KCNQ1: variants seen among roughly 807,000 people sequenced by gnomAD.
KCNQ1 encodes potassium voltage-gated channel subfamily Q member 1, also known as potassium voltage-gated channel subfamily KQT member 1.
In KCNQ1, 49 loss-of-function variants were observed where a neutral mutation model predicts 72.4. The observed-to-expected ratio is 0.68, with a 90% CI of 0.54 to 0.86. KCNQ1 has a LOEUF of 0.86. KCNQ1 is among the 40% of genes least tolerant of loss of function. The pLI is 0.00. For missense variants in KCNQ1, 790 were observed against 945.1 expected (o/e 0.84, Z 2.15); for synonymous variants, 450 against 412.6 (o/e 1.09, Z -1.10).
intron 14 of KCNQ1, chr11:2,777,508 CTG>C (rs1846729410): frequency 1.8e-6 from 1 of 541,428 alleles, no homozygotes; most frequent in Admixed American, 3.5e-5. Context: ...GGACACGGGG[CTG>C]TGAGTCATTC....
At chr11:2,693,627 C>T (rs994284294) in intron 11 of KCNQ1, 41 of 398,502 alleles carry the variant, frequency 1.0e-4, no homozygotes, top group Middle Eastern at 6.2e-4. Context: ...TTCGCCCAGC[C>T]GTAGGAAAGG....
At chr11:2,571,868 TGGACATATACCCAGCCTCCCCA>T in intron 4 of KCNQ1, 123 bp from the exon 5 acceptor site, 1 of 683,100 alleles carries the variant, frequency 1.5e-6, no homozygotes, top group Non-Finnish European at 2.6e-6. Flanking sequence ...CCTGTCGGGA[TGGACATATACCCAGCCTCCCCA>T]CCCAGAGTGG....
intron 15 of KCNQ1, among the ~76,000 whole-genome samples, chr11:2,798,903 G>A (rs967482740): frequency 8.5e-5 from 13 of 152,178 alleles, no homozygotes; most frequent in Non-Finnish European, 1.9e-4. Flanking sequence ...GGGGCTGGAG[G>A]AGCAGGAACA....
rs116414446 is a variant in KCNQ1, at chr11:2,471,589, T to C, written c.386+26105T>C. ...GTATGTGTGTGTGTGCACGTGTGTATGGGTGCGTGTGCACCTGTGTATATG... is the reference window on the plus strand; with the variant it reads ...GTATGTGTGTGTGTGCACGTGTGTACGGGTGCGTGTGCACCTGTGTATATG... On this transcript the variant is annotated intron_variant, in intron 1 of 15. Transcript: ENST00000155840. The surrounding 1 kb of genome is among the most constrained non-coding windows in gnomAD (Gnocchi z 4.8). 6.1e-3 allele frequency among the ~76,000 whole-genome samples: 920 copies of C among 151,904 alleles called. 13 individuals carry two copies. The highest frequency in any genetic ancestry group is 0.021 in the African/African-American group (855 of 41,504).
intron 15 of KCNQ1, among the ~76,000 whole-genome samples, chr11:2,779,078 C>T (rs1244876306): frequency 6.6e-6 from 1 of 152,214 alleles, no homozygotes; most frequent in African/African-American, 2.4e-5. Context: ...GCTGTGTGAC[C>T]ACAGTACCCT....
intron 1 of KCNQ1, among the ~76,000 whole-genome samples, chr11:2,456,833 G>A (rs549908015): frequency 5.4e-4 from 80 of 148,876 alleles, no homozygotes; most frequent in African/African-American, 9.1e-4. Context: ...CAGCTACTCG[G>A]GAGGCTGAGG....
chr11:2,709,506 C>T (rs1850969700), intron 11 of KCNQ1, among the ~76,000 whole-genome samples: 1 of 151,926 alleles, frequency 6.6e-6, no homozygotes, highest in Non-Finnish European at 1.5e-5. Flanking sequence ...CCATACAATT[C>T]ACCCATTTAA....
rs1306249575 is a variant in KCNQ1, at chr11:2,620,969, GCTT to G, written c.1393+32116_1393+32118del. 2 of 381,052 alleles carry G rather than the reference GCTT, an allele frequency of 5.2e-6. No individual in the cohort carries two copies. Among genetic ancestry groups the G allele is most frequent in the African/African-American group, 2.2e-5 (1 of 45,334 alleles). 23.6% of individuals were successfully genotyped at this position (381,052 alleles called of 1,614,324 possible). ...TTTTGTTTTTTTTTGTCTGTTTTTTGCTTTTTTGTTTGTTTGTTTGTTTTTTGA... is the reference window on the plus strand; with the variant it reads ...TTTTGTTTTTTTTTGTCTGTTTTTTGTTTTGTTTGTTTGTTTGTTTTTTGA... On this transcript the variant is annotated intron_variant, in intron 10 of 15. Coordinates refer to ENST00000155840, the MANE Select transcript of KCNQ1 (RefSeq NM_000218.3). The surrounding 1 kb of genome is among the most constrained non-coding windows in gnomAD (Gnocchi z 4.5).
intron 2 of KCNQ1, among the ~76,000 whole-genome samples, chr11:2,561,441 C>T (rs575436679): frequency 4.0e-4 from 61 of 152,310 alleles, no homozygotes; most frequent in African/African-American, 1.3e-3. Context: ...CTCTTGAGCA[C>T]ATGGGACACC....
intron 15 of KCNQ1, among the ~76,000 whole-genome samples, chr11:2,810,657 A>T (rs1361949771): frequency 1.3e-5 from 2 of 152,038 alleles, no homozygotes; most frequent in African/African-American, 4.8e-5. Flanking sequence ...TAATTCCTTG[A>T]TCTTCTGTTT....
chr11:2,641,043 AT>A, intron 10 of KCNQ1: 1 of 398,218 alleles, frequency 2.5e-6, no homozygotes. Flanking sequence ...TATTTACCTC[AT>A]TTTCTTTTTC....
At chr11:2,727,070 G>A (rs1034333744) in intron 11 of KCNQ1, among the ~76,000 whole-genome samples, 1 of 152,194 alleles carries the variant, frequency 6.6e-6, no homozygotes, top group African/African-American at 2.4e-5. Flanking sequence ...GCCCTGTTAG[G>A]TTTGCTTCTA....
intron 1 of KCNQ1, among the ~76,000 whole-genome samples, chr11:2,490,365 G>A (rs1041838848): frequency 1.3e-5 from 2 of 152,236 alleles, no homozygotes; most frequent in African/African-American, 4.8e-5. Flanking sequence ...ACCCTAAAGT[G>A]AAGGACAAAA....
chr11:2,712,947 G>A lies in KCNQ1; in HGVS notation c.1514+50866G>A, dbSNP rs1353263076. Among the ~76,000 whole-genome samples, 1 of 152,108 alleles carries A rather than the reference G, an allele frequency of 6.6e-6. No individual in the cohort carries two copies. The highest frequency in any genetic ancestry group is 1.5e-5 in the Non-Finnish European group (1 of 68,024). ...AAGATCAGCTCCCTGGAAGACACCC[G>A]GGTTGTAAACAGGGTGGGGCAGGGG... On this transcript the variant is annotated intron_variant, in intron 11 of 15. Transcript: ENST00000155840. The surrounding 1 kb of genome is among the most constrained non-coding windows in gnomAD (Gnocchi z 6.4).
chr11:2,496,864 T>G (rs1846930942), intron 1 of KCNQ1, among the ~76,000 whole-genome samples: 1 of 55,078 alleles, frequency 1.8e-5, no homozygotes, highest in Non-Finnish European at 4.1e-5. Flanking sequence ...CAGGAGCTCT[T>G]GTAAGGCAAG....
rs1850316409 is a variant in KCNQ1 at position 2,677,620 on chromosome 11, C to T, written c.1514+15539C>T. The T allele has an allele frequency of 5.0e-6, 2 of 398,468 alleles. No individual in the cohort carries two copies. The highest frequency in any genetic ancestry group is 3.6e-5 in the East Asian group (1 of 28,074). The allele number at this position is 398,468 out of a possible 1,614,324, so 24.7% of individuals were successfully genotyped here. A position where few individuals can be genotyped will look rare whatever the true frequency, so the allele number is the denominator to read the frequency against. ...CCTCTGGATTTGTTTTTTTCTAAAA[C>T]GTGTACATAATTGTAACTCTAACAA... On this transcript the variant is annotated intron_variant, in intron 11 of 15. Transcript: ENST00000155840. This position sits in a 1 kb window ranked among gnomAD's most constrained non-coding sequence, Gnocchi z 4.5.
At position 2,544,040 on chromosome 11, in the gene KCNQ1, T is replaced by C. The variant is rs1847863401; in HGVS notation, c.477+16022T>C. Among the ~76,000 whole-genome samples, 1 of 152,176 alleles carries C rather than the reference T, an allele frequency of 6.6e-6. No homozygotes were observed. The highest frequency in any genetic ancestry group is 2.1e-4 in the South Asian group (1 of 4,836). Reference sequence around the variant, plus strand: ...GGTAATTTAGCCAACTTTGTTTTGCTATTTCAAGTTGTGTTGGTTGTTCGG... The same window carrying C: ...GGTAATTTAGCCAACTTTGTTTTGCCATTTCAAGTTGTGTTGGTTGTTCGG... On this transcript the variant is annotated intron_variant, in intron 2 of 15. Transcript: ENST00000155840. The surrounding 1 kb of genome is among the most constrained non-coding windows in gnomAD (Gnocchi z 4.4).
At chr11:2,527,240 C>T (rs985858017) in intron 1 of KCNQ1, among the ~76,000 whole-genome samples, 2 of 152,108 alleles carry the variant, frequency 1.3e-5, no homozygotes, top group East Asian at 1.9e-4. Context: ...TGGAGGAGAG[C>T]GGCCCACAGC....
chr11:2,675,191 G>T (rs145743701), intron 11 of KCNQ1: 26 of 398,548 alleles, frequency 6.5e-5, no homozygotes, highest in African/African-American at 4.9e-4. Flanking sequence ...GGCCCCTCTA[G>T]GTCAATATTG....
Sources: gnomAD v4.1 joint callset for allele counts (sites outside exome capture counted in the v4.1 genomes callset) on GRCh38, gnomAD v4.1.1 for gene constraint, Gnocchi (gnomAD v3.1) non-coding constraint, MANE v1.5 for transcripts, NCBI Gene and HGNC (gene_info 2026-07-23, HGNC 2026-07-21) for gene names.